The following TPM1 variants were observed in gnomAD, a reference collection of about 807,000 sequenced individuals.
The protein encoded by TPM1 is tropomyosin alpha-1 chain.
TPM1 carries 24 observed loss-of-function variants against 42.9 expected under a neutral mutation model. The ratio of observed to expected loss-of-function variants is 0.56; its 90% confidence interval spans 0.41 to 0.79. TPM1 has a LOEUF of 0.79. Among genes scored for constraint, TPM1 ranks in the 30% least tolerant of loss-of-function variants. The pLI is 0.00. For synonymous variants in TPM1, 136 were observed against 130.1 expected, an observed-to-expected ratio of 1.05 and a Z score of -0.31; for missense variants, 158 against 351.8, an observed-to-expected ratio of 0.45 and a Z score of 4.41.
chr15:63,043,191 A>T, intron 1 of TPM1: 1 of 551,262 alleles, frequency 1.8e-6, no homozygotes, highest in Non-Finnish European at 3.3e-6. Flanking sequence ...ATCAAGTCCT[A>T]GAGGCGCTTT....
chr15:63,051,543 T>C (rs1005226894), intron 2 of TPM1, among the ~76,000 whole-genome samples: 2 of 152,160 alleles, frequency 1.3e-5, no homozygotes, highest in African/African-American at 4.8e-5. Flanking sequence ...AGTGTTTTTT[T>C]TTTTCCCCCC....
intron 8 of TPM1, 111 bp downstream of exon 8, chr15:63,062,756 A>G (rs1159989182): frequency 6.3e-7 from 1 of 1,585,002 alleles, no homozygotes; most frequent in South Asian, 1.1e-5. Flanking sequence ...TTGCACTTGC[A>G]CATTCTTCCT....
At chr15:63,050,955 C>T (rs1032208199) in intron 2 of TPM1, among the ~76,000 whole-genome samples, 3 of 152,046 alleles carry the variant, frequency 2.0e-5, no homozygotes, top group East Asian at 3.8e-4. Flanking sequence ...ATTAATAGGC[C>T]CTATTAAACC....
At chr15:63,049,079 A>G (rs1011773029) in intron 2 of TPM1, 1 of 269,218 alleles carries the variant, frequency 3.7e-6, no homozygotes, top group African/African-American at 2.4e-5. Flanking sequence ...GAGAGTGGAG[A>G]GGGAGGAGGT....
At chr15:63,071,793 T>G (rs2036615554) in exon 9 of TPM1, 1 of 156,120 alleles carries the variant, frequency 6.4e-6, no homozygotes, top group Non-Finnish European at 1.4e-5. Context: ...TTTTCAGTCC[T>G]TCATGTTAAA....
chr15:63,064,335 A>G, intron 9 of TPM1, 193 bp downstream of exon 9: 1 of 1,463,080 alleles, frequency 6.8e-7, no homozygotes. Context: ...GTCTGTCTAT[A>G]CAAACCATTT....
intron 9 of TPM1, chr15:63,064,498 T>A (rs2036049397): frequency 1.8e-6 from 2 of 1,101,628 alleles, no homozygotes; most frequent in Admixed American, 4.6e-5. Context: ...TCAAAAAATA[T>A]CAAAATTTGT....
chr15:63,047,100 C>T (rs1047093448), intron 2 of TPM1: 34 of 152,280 alleles, frequency 2.2e-4, no homozygotes, highest in African/African-American at 7.7e-4. Flanking sequence ...GTTGGAGGCC[C>T]ACAGTCTCTG....
chr15:63,051,251 A>G (rs988192930), intron 2 of TPM1, among the ~76,000 whole-genome samples: 3 of 152,246 alleles, frequency 2.0e-5, no homozygotes, highest in African/African-American at 7.2e-5. Flanking sequence ...ACCAATTTAC[A>G]AAAATTCCCA....
Position 63,044,078 on chromosome 15 carries a change from G to T in TPM1, c.166G>T (p.Glu56Ter). The stretch of plus-strand genomic sequence containing the variant: ...AAAGAAACTCAAGGGCACCGAAGAT[G>T]AACTGGACAAATACTCTGAGGCTCT... ...LQKKLKGTED[E>*]LDKYSEALKD... Residue 56 changes from glutamate (E) to a stop codon, truncating the protein, a stop_gained, in exon 2 of 10, where the codon GAA becomes TAA. Coordinates refer to ENST00000403994, the MANE Select transcript of TPM1 (RefSeq NM_001018005.2). LOFTEE classifies it high-confidence loss of function. The T allele has an allele frequency of 1.9e-6, 3 of 1,614,158 alleles. No homozygotes were observed. The highest frequency in any genetic ancestry group is 2.2e-5 in the East Asian group (1 of 44,884).
chr15:63,066,815 G>A (rs184207687), downstream of TPM1, among the ~76,000 whole-genome samples: 2 of 152,256 alleles, frequency 1.3e-5, no homozygotes, highest in African/African-American at 4.8e-5. Flanking sequence ...TACTCTTTGG[G>A]AGGGATTGTA....
At chr15:63,044,261 C>T (rs1361725866) in intron 2 of TPM1, 109 bp downstream of exon 2, 7 of 1,528,696 alleles carry the variant, frequency 4.6e-6, no homozygotes, top group South Asian at 1.1e-5. Context: ...CTGCTGGACA[C>T]CTGCACACAG....
chr15:63,071,257 T>C (rs1320664835), exon 9 of TPM1: 21 of 1,429,486 alleles, frequency 1.5e-5, no homozygotes, highest in Non-Finnish European at 2.0e-5. Flanking sequence ...GCAATTTATT[T>C]ACTTTTACCA....
chr15:63,059,729 A>G (rs374265438), intron 4 of TPM1, 49 bp downstream of exon 4: 170 of 1,338,466 alleles, frequency 1.3e-4, no homozygotes, highest in Non-Finnish European at 1.7e-4. Context: ...AGTGGCCTTC[A>G]GGAAGCCAGG....
chr15:63,063,802 T>A, intron 8 of TPM1: 1 of 490,834 alleles, frequency 2.0e-6, no homozygotes, highest in South Asian at 2.7e-5. Flanking sequence ...CTGATATACC[T>A]ACCATATTTG....
chr15:63,071,452 C>G (rs2036603063), exon 9 of TPM1: 1 of 412,280 alleles, frequency 2.4e-6, no homozygotes, highest in African/African-American at 2.0e-5. Context: ...CTCACTAAAG[C>G]AGAAGAAGTT....
At chr15:63,061,466 C>CA in intron 5 of TPM1, 1 of 744,116 alleles carries the variant, frequency 1.3e-6, no homozygotes, top group Non-Finnish European at 2.3e-6. Context: ...TTTGGGCAGC[C>CA]AAAAAAGGAG....
At chr15:63,070,298 A>G, downstream of TPM1, 1 of 854,852 alleles carries the variant, frequency 1.2e-6, no homozygotes, top group South Asian at 3.5e-5. Flanking sequence ...ATGTATATAT[A>G]TATATATATG....
At chr15:63,053,966 A>C (rs142355983) in intron 2 of TPM1, among the ~76,000 whole-genome samples, 2 of 152,040 alleles carry the variant, frequency 1.3e-5, no homozygotes, top group African/African-American at 4.8e-5. Flanking sequence ...GGCGTGAGCC[A>C]CAGCGCCCAG....
Sources: gnomAD v4.1 joint callset for allele counts (sites outside exome capture counted in the v4.1 genomes callset) on GRCh38, gnomAD v4.1.1 for gene constraint, MANE v1.5 for transcripts, NCBI Gene and HGNC (gene_info 2026-07-23, HGNC 2026-07-21) for gene names.